Variants in PVALB observed in about 807,000 individuals in gnomAD.
PVALB encodes parvalbumin alpha.
PVALB carries 11 observed loss-of-function variants against 10.9 expected under a neutral mutation model. The observed-to-expected ratio is 1.01, with a 90% confidence interval of 0.63 to 1.67. The LOEUF (loss-of-function observed/expected upper bound fraction) is 1.67, where lower values mean the gene tolerates loss of function less well. Among genes scored for constraint, PVALB ranks in the 40% most tolerant of loss-of-function variants. The pLI is 0.00. For missense variants in PVALB, 131 were observed against 136.2 expected (o/e 0.96, Z 0.19); for synonymous variants, 57 against 50.7 (o/e 1.12, Z -0.53).
At chr22:36,816,713 T>C (rs1813410003) in intron 1 of PVALB, among the ~76,000 whole-genome samples, 1 of 152,080 alleles carries the variant, frequency 6.6e-6, no homozygotes, top group African/African-American at 2.4e-5. Flanking sequence ...CCCTCAAGTT[T>C]CTGTAACTTA....
intron 1 of PVALB, 68 bp downstream of exon 1, chr22:36,816,877 C>A (rs963937184): frequency 2.9e-6 from 4 of 1,374,222 alleles, no homozygotes; most frequent in South Asian, 1.3e-5. Context: ...GCTGCGGGGC[C>A]GGCGGAGTGC....
intron 3 of PVALB, among the ~76,000 whole-genome samples, chr22:36,802,598 TCA>T (rs747492230): frequency 0.04 from 2,958 of 73,660 alleles, 168 homozygotes; most frequent in African/African-American, 0.06. Context: ...AGACTCCATC[TCA>T]CACAAAAAAA....
intron 3 of PVALB, among the ~76,000 whole-genome samples, chr22:36,807,300 A>C (rs1938965861): frequency 1.3e-5 from 2 of 152,066 alleles, no homozygotes; most frequent in Non-Finnish European, 2.9e-5. Context: ...GTGTCCCCTA[A>C]ACCTCATTGA....
At chr22:36,802,591 C>T (rs137936168) in intron 3 of PVALB, among the ~76,000 whole-genome samples, 7,140 of 107,014 alleles carry the variant, frequency 0.067, 294 homozygotes, top group Non-Finnish European at 0.099. Flanking sequence ...CAGAGTGAGA[C>T]TCCATCTCAC....
At chr22:36,807,934 G>T (rs544983830) in intron 3 of PVALB, among the ~76,000 whole-genome samples, 1 of 152,332 alleles carries the variant, frequency 6.6e-6, no homozygotes, top group South Asian at 2.1e-4. Flanking sequence ...GGGTTGCAAG[G>T]TTAGGCAATA....
intron 3 of PVALB, among the ~76,000 whole-genome samples, chr22:36,805,325 C>T (rs1178431429): frequency 6.6e-6 from 1 of 152,184 alleles, no homozygotes; most frequent in Non-Finnish European, 1.5e-5. Context: ...CTAAAGCTCT[C>T]GGTCACAGGC....
intron 2 of PVALB, among the ~76,000 whole-genome samples, chr22:36,813,984 T>C (rs894609814): frequency 6.6e-6 from 1 of 152,160 alleles, no homozygotes; most frequent in Admixed American, 6.5e-5. Context: ...AGGGTTGTCC[T>C]CACTTCAGGG....
rs1168614893 is a variant in PVALB, at chr22:36,815,249, A to G, written c.62-14T>C. On this transcript the variant is annotated splice_polypyrimidine_tract_variant and intron_variant, in intron 1 of 3. Transcript: ENST00000417718. ...AGGAGTCGGTAGCTGTGGGGGGAAG[A>G]GCAGGGTCAAACAAGGACCAGAAAG... 5 of 1,614,076 alleles carry G rather than the reference A, an allele frequency of 3.1e-6. No homozygotes were observed. The South Asian group carries it at 4.4e-5, about 14-fold the overall frequency.
intron 1 of PVALB, chr22:36,816,571 G>A (rs1056017587): frequency 3.9e-6 from 1 of 253,460 alleles, no homozygotes; most frequent in Non-Finnish European, 7.5e-6. Flanking sequence ...GATGCCCCCT[G>A]CAGTCCCCTC....
At chr22:36,807,488 C>T (rs1029285645) in intron 3 of PVALB, among the ~76,000 whole-genome samples, 3 of 152,220 alleles carry the variant, frequency 2.0e-5, no homozygotes, top group African/African-American at 7.2e-5. Flanking sequence ...ATCTCTCTCA[C>T]TTTTCTCCTG....
chr22:36,819,453 G>T (rs1360465354), upstream of PVALB: 1 of 152,354 alleles, frequency 6.6e-6, no homozygotes, highest in Non-Finnish European at 1.5e-5. Flanking sequence ...TGGAGGGCTG[G>T]AGCCTGCACT....
chr22:36,813,841 G>C (rs1395788706), intron 2 of PVALB, 86 bp from the exon 3 acceptor site: 1 of 1,035,766 alleles, frequency 9.7e-7, no homozygotes, highest in Middle Eastern at 2.4e-4. Context: ...TCTGGTTTCT[G>C]TATGGGGAAA....
At chr22:36,812,113 G>C (rs550127866) in intron 3 of PVALB, among the ~76,000 whole-genome samples, 9 of 152,304 alleles carry the variant, frequency 5.9e-5, no homozygotes, top group South Asian at 2.1e-4. Flanking sequence ...TGGGTTCACA[G>C]AATCTTAATT....
chr22:36,811,802 G>C (rs1340593408), intron 3 of PVALB, among the ~76,000 whole-genome samples: 2 of 152,150 alleles, frequency 1.3e-5, no homozygotes, highest in East Asian at 3.9e-4. Context: ...ATGGGGGTGT[G>C]AGGGAGGATC....
At position 36,800,981 on chromosome 22, in the gene PVALB, C is replaced by A. The variant is rs1178236695; in HGVS notation, c.305-63G>T. The A allele has an allele frequency of 1.3e-5, 20 of 1,525,744 alleles. 1 individual carries two copies. The South Asian group carries it at 2.1e-4, about 16-fold the overall frequency. 94.5% of individuals were successfully genotyped at this position (1,525,744 alleles called of 1,614,324 possible). ...GGGGATGCAAGAGAGACTGTCCACA[C>A]CTGACTGCGGGGCCCTGGGTGGTGC... On this transcript the variant is annotated intron_variant, in intron 3 of 3. Coordinates refer to ENST00000417718, the MANE Select transcript of PVALB (RefSeq NM_001315532.2).
At chr22:36,808,391 C>A (rs528638032) in intron 3 of PVALB, among the ~76,000 whole-genome samples, 1 of 152,120 alleles carries the variant, frequency 6.6e-6, no homozygotes, top group Admixed American at 6.5e-5. Context: ...GACACATGCT[C>A]GTGTGAGGCA....
Position 36,804,942 on chromosome 22 carries a change from A to G in PVALB, c.305-4024T>C, listed in dbSNP as rs534107030. On this transcript the variant is annotated intron_variant, in intron 3 of 3. Coordinates refer to ENST00000417718, the MANE Select transcript of PVALB (RefSeq NM_001315532.2). ...GAGCAAGACTCTGTCTCAAAAACAA[A>G]CGAACAAACAAACAAACAAACAAAG... Among the ~76,000 whole-genome samples the G allele has an allele frequency of 4.6e-5, 7 of 152,276 alleles. No homozygotes were observed. The South Asian group carries it at 1.5e-3, about 32-fold the overall frequency.
intron 3 of PVALB, chr22:36,813,403 C>T (rs4821536): frequency 0.89 from 422,289 of 475,430 alleles, 188,658 homozygotes; most frequent in Non-Finnish European, 0.92. Context: ...GGATCCCCTA[C>T]CCAGCAGGAA....
intron 3 of PVALB, among the ~76,000 whole-genome samples, chr22:36,802,603 C>CAA (rs60843863): frequency 2.4e-3 from 67 of 27,550 alleles, no homozygotes; most frequent in South Asian, 6.2e-3. Flanking sequence ...CCATCTCACA[C>CAA]AAAAAAAAAA....
Sources: allele counts gnomAD v4.1 joint callset (sites outside exome capture counted in the v4.1 genomes callset), GRCh38; gene constraint gnomAD v4.1.1; transcripts MANE v1.5; gene names NCBI Gene and HGNC (gene_info 2026-07-23, HGNC 2026-07-21).